AFAP1: variants seen among roughly 807,000 people sequenced by gnomAD.
AFAP1 encodes the protein actin filament-associated protein 1.
A neutral mutation model predicts 93.9 loss-of-function variants in AFAP1; 75 were observed. The observed-to-expected ratio is 0.80, with a 90% CI of 0.66 to 0.97. The LOEUF (loss-of-function observed/expected upper bound fraction) is 0.97. AFAP1 is among the 50% of genes least tolerant of loss of function. The pLI is 0.00. For missense variants in AFAP1, 1,201 were observed against 1,050.8 expected (o/e 1.14, Z -1.98); for synonymous variants, 517 against 430.7 (o/e 1.20, Z -2.48).
intron 1 of AFAP1, among the ~76,000 whole-genome samples, chr4:7,931,251 T>C (rs1577369271): frequency 6.6e-6 from 1 of 152,292 alleles, no homozygotes; most frequent in East Asian, 1.9e-4. Flanking sequence ...AGGTAGGGAA[T>C]TGCTGGGTTT....
chr4:7,921,604 C>T (rs893324021), intron 1 of AFAP1, among the ~76,000 whole-genome samples: 11 of 152,294 alleles, frequency 7.2e-5, no homozygotes, highest in South Asian at 2.1e-4. Context: ...ACAATCCTAA[C>T]GGAAGGGAAT....
At chr4:7,764,982 C>T (rs1262589752) in intron 17 of AFAP1, among the ~76,000 whole-genome samples, 2 of 152,076 alleles carry the variant, frequency 1.3e-5, no homozygotes, top group Non-Finnish European at 2.9e-5. Context: ...GGCGCACACC[C>T]ATAGTCCCAG....
intron 9 of AFAP1, 84 bp from the exon 10 acceptor site, chr4:7,800,737 C>T: frequency 7.5e-7 from 1 of 1,335,760 alleles, no homozygotes; most frequent in Non-Finnish European, 1.1e-6. Context: ...TGAGGAGGCC[C>T]AGGGATGGGA....
At chr4:7,897,349 T>G (rs1577343132) in intron 1 of AFAP1, among the ~76,000 whole-genome samples, 1 of 152,182 alleles carries the variant, frequency 6.6e-6, no homozygotes, top group Admixed American at 6.5e-5. Context: ...CTCAATTCCA[T>G]ATAAATGAGC....
At chr4:7,770,042 C>T (rs1715203081) in intron 16 of AFAP1, among the ~76,000 whole-genome samples, 1 of 152,242 alleles carries the variant, frequency 6.6e-6, no homozygotes, top group Non-Finnish European at 1.5e-5. Context: ...ATAAGCCACT[C>T]TCCCGAGGAC....
At chr4:7,891,099 T>A (rs1043040836) in intron 1 of AFAP1, among the ~76,000 whole-genome samples, 42 of 150,850 alleles carry the variant, frequency 2.8e-4, no homozygotes, top group Admixed American at 6.6e-4. Flanking sequence ...AAAAAAAAAA[T>A]AAATAAACTA....
intron 1 of AFAP1, among the ~76,000 whole-genome samples, chr4:7,937,466 C>G (rs1378373736): frequency 1.1e-4 from 17 of 152,134 alleles, no homozygotes. Context: ...AATTCCAGAG[C>G]CGGACGTAGA....
chr4:7,802,761 C>T (rs908468317), intron 9 of AFAP1, among the ~76,000 whole-genome samples: 46 of 151,692 alleles, frequency 3.0e-4, no homozygotes, highest in African/African-American at 8.2e-4. Flanking sequence ...GCCATTCTCC[C>T]GCCTCAGCCT....
chr4:7,800,430 G>A lies in AFAP1; in HGVS notation c.1266+12C>T. 1 of 1,613,662 alleles carries A rather than the reference G, an allele frequency of 6.2e-7. No individual in the cohort carries two copies. Among genetic ancestry groups the A allele is most frequent in the Non-Finnish European group, 8.5e-7 (1 of 1,179,804 alleles). ...TCCCTCTGTGGAGTACAGCCCCTGG[G>A]AAATATCCTACCTCCAATACTGCAA... On this transcript the variant is annotated intron_variant, in intron 10 of 17. Transcript: ENST00000420658.
At chr4:7,806,766 T>C (rs186963000) in intron 9 of AFAP1, among the ~76,000 whole-genome samples, 1 of 152,310 alleles carries the variant, frequency 6.6e-6, no homozygotes, top group East Asian at 1.9e-4. Flanking sequence ...GTTCTGTTAA[T>C]ATTGAGGCAA....
chr4:7,922,258 G>GT (rs1438841178), intron 1 of AFAP1, among the ~76,000 whole-genome samples: 1 of 152,206 alleles, frequency 6.6e-6, no homozygotes, highest in East Asian at 1.9e-4. Flanking sequence ...TATTTTCAAT[G>GT]TAACTATGAA....
At chr4:7,825,866 G>A (rs1230253028) in intron 6 of AFAP1, among the ~76,000 whole-genome samples, 5 of 151,332 alleles carry the variant, frequency 3.3e-5, no homozygotes, top group Non-Finnish European at 7.4e-5. Context: ...AAGGCAGCAG[G>A]CACAGGGCAT....
intron 1 of AFAP1, among the ~76,000 whole-genome samples, chr4:7,886,833 A>C (rs1718166183): frequency 6.6e-6 from 1 of 152,218 alleles, no homozygotes; most frequent in African/African-American, 2.4e-5. Context: ...GGTTGCTAAC[A>C]AAAGCTTTAA....
intron 4 of AFAP1, among the ~76,000 whole-genome samples, chr4:7,850,081 G>C (rs1363843253): frequency 6.6e-6 from 1 of 152,108 alleles, no homozygotes; most frequent in Non-Finnish European, 1.5e-5. Flanking sequence ...GTTGTGAATA[G>C]AGCAGAGATC....
intron 7 of AFAP1, among the ~76,000 whole-genome samples, chr4:7,817,226 A>T (rs760719091): frequency 2.0e-5 from 3 of 152,238 alleles, no homozygotes; most frequent in Admixed American, 6.5e-5. Flanking sequence ...AGCTTCCAGA[A>T]ATCTATTCTC....
chr4:7,853,467 G>C (rs1465786370), intron 4 of AFAP1, among the ~76,000 whole-genome samples: 2 of 152,120 alleles, frequency 1.3e-5, no homozygotes, highest in Non-Finnish European at 2.9e-5. Flanking sequence ...CTGGTCACCT[G>C]TGCCATCAGG....
chr4:7,877,570 G>C (rs1560216165), intron 1 of AFAP1, among the ~76,000 whole-genome samples: 1 of 152,136 alleles, frequency 6.6e-6, no homozygotes, highest in Admixed American at 6.6e-5. Flanking sequence ...ACACAGAAAG[G>C]CTGCCTACGG....
chr4:7,771,480 T>C (rs1214174394), intron 16 of AFAP1, among the ~76,000 whole-genome samples: 2 of 152,232 alleles, frequency 1.3e-5, no homozygotes, highest in African/African-American at 4.8e-5. Flanking sequence ...ATGTATATAA[T>C]GATATCAACA....
At chr4:7,827,864 T>C (rs1721570782) in intron 6 of AFAP1, among the ~76,000 whole-genome samples, 2 of 152,060 alleles carry the variant, frequency 1.3e-5, no homozygotes, top group African/African-American at 2.4e-5. Flanking sequence ...GAGGGAGAAA[T>C]GAAGACCCTT....
Sources: gnomAD v4.1 joint callset for allele counts (sites outside exome capture counted in the v4.1 genomes callset) on GRCh38, gnomAD v4.1.1 for gene constraint, MANE v1.5 for transcripts, NCBI Gene and HGNC (gene_info 2026-07-23, HGNC 2026-07-21) for gene names.